WDR35: variants seen among roughly 807,000 people sequenced by gnomAD.
WDR35 encodes WD repeat domain 35.
A neutral mutation model predicts 158.3 loss-of-function variants in WDR35; 118 were observed. That is an observed-to-expected ratio of 0.75 (90% CI 0.64 to 0.87). The LOEUF (loss-of-function observed/expected upper bound fraction) is 0.87. Among genes scored for constraint, WDR35 ranks in the 40% least tolerant of loss-of-function variants. WDR35 has a pLI of 0.00. For synonymous variants in WDR35, 448 were observed against 476.1 expected, an observed-to-expected ratio of 0.94 and a Z score of 0.77; for missense variants, 1,263 against 1,405.8, an observed-to-expected ratio of 0.90 and a Z score of 1.62.
Position 19,931,290 on chromosome 2 carries a change from T to C in WDR35, c.2943A>G (p.Lys981=), listed in dbSNP as rs916764282. 2 of 1,613,382 alleles carry C rather than the reference T, an allele frequency of 1.2e-6. No individual in the cohort carries two copies. Among genetic ancestry groups the C allele is most frequent in the Non-Finnish European group, 1.7e-6 (2 of 1,179,668 alleles). ...HEQMKNAQRG[K]VKGKSSEATS... ...TTACCTCTGAACTTTTTCCTTTAAC[T>C]TTTCCTCGCTGGGCATTCTTCATCT... is the stretch of plus-strand genomic sequence containing the variant. Residue 981 remains lysine, a synonymous_variant, in exon 24 of 27, where the codon AAA becomes AAG. Transcript: ENST00000281405.
Position 19,960,544 on chromosome 2 carries a change from AT to A in WDR35, c.1255+9del. 6.3e-7 allele frequency: 1 copy of A among 1,594,250 alleles called. No homozygotes were observed. Among genetic ancestry groups the A allele is most frequent in the Admixed American group, 1.7e-5 (1 of 59,838 alleles). On this transcript the variant is annotated intron_variant, in intron 11 of 26. Transcript: ENST00000281405. ...GATTGGAAAAGAAATAAATATCAAC[AT>A]TTCCTTACCAATATCAATGTATTTG...
At chr2:19,944,681 G>A (rs1417642166) in intron 16 of WDR35, among the ~76,000 whole-genome samples, 3 of 152,096 alleles carry the variant, frequency 2.0e-5, no homozygotes, top group South Asian at 2.1e-4. Flanking sequence ...TCTCAGGGTC[G>A]AAGAATCACA....
chr2:19,917,574 C>A (rs984171999), intron 25 of WDR35, among the ~76,000 whole-genome samples: 1 of 152,164 alleles, frequency 6.6e-6, no homozygotes, highest in Non-Finnish European at 1.5e-5. Context: ...CTGAAAAACA[C>A]AGCACAAGAA....
chr2:19,938,283 T>A lies in WDR35; in HGVS notation c.2045A>T (p.Asn682Ile), dbSNP rs765445540. 1 of 1,613,930 alleles carries A rather than the reference T, an allele frequency of 6.2e-7. No homozygotes were observed. Among genetic ancestry groups the A allele is most frequent in the Non-Finnish European group, 8.5e-7 (1 of 1,180,016 alleles). Residue 682 changes from asparagine (N) to isoleucine (I), a missense_variant, in exon 18 of 27, where the codon AAT becomes ATT. Transcript: ENST00000281405. ...IKDASQFIED[N>I]PHPRLWRLLA... Reference sequence around the variant, plus strand: ...TAAATACCAAAGTCGGGGGTGTGGATTGTCCTCTATGAACTGAGATGCATC... The same window carrying A: ...TAAATACCAAAGTCGGGGGTGTGGAATGTCCTCTATGAACTGAGATGCATC...
At chr2:19,976,968 T>C (rs781139922) in intron 5 of WDR35, among the ~76,000 whole-genome samples, 2 of 152,034 alleles carry the variant, frequency 1.3e-5, no homozygotes, top group Non-Finnish European at 2.9e-5. Context: ...TACAGGAGTA[T>C]GCCACCACGC....
At chr2:19,944,760 C>G (rs1412890752) in intron 16 of WDR35, among the ~76,000 whole-genome samples, 4 of 151,992 alleles carry the variant, frequency 2.6e-5, no homozygotes, top group Admixed American at 1.3e-4. Flanking sequence ...CATTTTACAT[C>G]CAAAATTCCT....
chr2:19,978,905 C>G (rs746542711), intron 4 of WDR35, 26 bp from the exon 5 acceptor site: 2 of 1,612,382 alleles, frequency 1.2e-6, no homozygotes, highest in Non-Finnish European at 1.7e-6. Context: ...TAAAAAATTA[C>G]AAGTCAAAAC....
At chr2:19,935,377 A>G (rs1333626092) in intron 21 of WDR35, 94 bp downstream of exon 21, 2 of 1,371,300 alleles carry the variant, frequency 1.5e-6, no homozygotes, top group Non-Finnish European at 2.0e-6. Flanking sequence ...ATAGATTTTT[A>G]ATTTTCTTTA....
chr2:19,915,226 A>C (rs1669955108), intron 25 of WDR35, among the ~76,000 whole-genome samples: 1 of 152,212 alleles, frequency 6.6e-6, no homozygotes, highest in African/African-American at 2.4e-5. Flanking sequence ...AAACCAGTTT[A>C]AACAATATAT....
chr2:19,982,206 C>T (rs1184119619), intron 3 of WDR35, among the ~76,000 whole-genome samples: 2 of 152,122 alleles, frequency 1.3e-5, no homozygotes, highest in Admixed American at 6.5e-5. Flanking sequence ...GATGATTGTG[C>T]CCAACTGTAG....
Position 19,936,248 on chromosome 2 carries a change from A to G in WDR35, c.2385T>C (p.Ile795=), listed in dbSNP as rs1003859776. ...DSLLEQANNA[I]GDYFADRQKW... ...TTTGTCGATCAGCAAAGTAGTCTCC[A>G]ATGGCATTGTTGGCTTGTTCCAGGA... Residue 795 remains isoleucine, a synonymous_variant, in exon 20 of 27, where the codon ATT becomes ATC. Coordinates refer to ENST00000281405, the MANE Select transcript of WDR35 (RefSeq NM_020779.4). 4 of 1,613,866 alleles carry G rather than the reference A, an allele frequency of 2.5e-6. No individual in the cohort carries two copies. The highest frequency in any genetic ancestry group is 1.3e-5 in the African/African-American group (1 of 74,926).
intron 10 of WDR35, among the ~76,000 whole-genome samples, chr2:19,962,617 T>G (rs1038776203): frequency 3.3e-5 from 5 of 152,210 alleles, no homozygotes; most frequent in African/African-American, 9.6e-5. Context: ...CTTTATGTGC[T>G]ATTTACACAG....
chr2:19,931,209 CTTTT>C (rs373398942), intron 24 of WDR35, 56 bp downstream of exon 24: 2 of 1,225,934 alleles, frequency 1.6e-6, no homozygotes, highest in Non-Finnish European at 1.1e-6. Context: ...TTAATAGTTT[CTTTT>C]TTTTTTTTTC....
chr2:19,944,467 T>C (rs939090040), intron 16 of WDR35, among the ~76,000 whole-genome samples: 1 of 152,120 alleles, frequency 6.6e-6, no homozygotes, highest in Admixed American at 6.6e-5. Flanking sequence ...TGATTTAGTA[T>C]GAGCAGGGCT....
chr2:19,965,159 G>C (rs923280526), intron 10 of WDR35, among the ~76,000 whole-genome samples: 1 of 152,186 alleles, frequency 6.6e-6, no homozygotes, highest in African/African-American at 2.4e-5. Context: ...CCGACCTCAG[G>C]TAATCCGCCC....
intron 2 of WDR35, among the ~76,000 whole-genome samples, chr2:19,987,658 C>T (rs10201432): frequency 6.6e-6 from 1 of 151,522 alleles, no homozygotes; most frequent in Non-Finnish European, 1.5e-5. Flanking sequence ...CCTGTCTCTA[C>T]TAAAAATACA....
chr2:19,938,529 GGAAGA>G, intron 17 of WDR35, 128 bp from the exon 18 acceptor site: 1 of 1,231,458 alleles, frequency 8.1e-7, no homozygotes, highest in South Asian at 1.5e-5. Flanking sequence ...AGCAAAATAA[GGAAGA>G]GAAATCTTCA....
intron 25 of WDR35, among the ~76,000 whole-genome samples, chr2:19,929,284 T>A (rs1351760717): frequency 1.3e-5 from 2 of 152,214 alleles, no homozygotes; most frequent in Admixed American, 1.3e-4. Context: ...ACTATAGAAT[T>A]CCAGAAATAT....
intron 6 of WDR35, 148 bp downstream of exon 6, chr2:19,975,382 A>T: frequency 1.9e-6 from 2 of 1,039,780 alleles, no homozygotes; most frequent in Non-Finnish European, 2.6e-6. Context: ...AACAAAATTT[A>T]GACGATTGGG....
Sources: allele counts gnomAD v4.1 joint callset (sites outside exome capture counted in the v4.1 genomes callset), GRCh38; gene constraint gnomAD v4.1.1; transcripts MANE v1.5; gene names NCBI Gene and HGNC (gene_info 2026-07-23, HGNC 2026-07-21).